GABRG3: variants seen among roughly 807,000 people sequenced by gnomAD.
The protein encoded by GABRG3 is gamma-aminobutyric acid receptor subunit gamma-3.
Under a neutral mutation model 48.8 loss-of-function variants are expected in GABRG3, and 25 were observed. The observed-to-expected ratio is 0.51, with a 90% confidence interval of 0.37 to 0.72. The LOEUF is 0.72. Ranked by LOEUF, GABRG3 falls within the 30% of genes least tolerant of loss-of-function variation. GABRG3 has a pLI of 0.00. For synonymous variants in GABRG3, 227 were observed against 217.6 expected, an observed-to-expected ratio of 1.04 and a Z score of -0.38; for missense variants, 394 against 577.9, an observed-to-expected ratio of 0.68 and a Z score of 3.26.
chr15:27,200,865 T>G (rs1888659116), intron 3 of GABRG3, among the ~76,000 whole-genome samples: 1 of 152,116 alleles, frequency 6.6e-6, no homozygotes, highest in Non-Finnish European at 1.5e-5. Flanking sequence ...CTCGAGATTT[T>G]CTTCACTACA....
At chr15:27,390,488 A>T (rs942631004) in intron 5 of GABRG3, among the ~76,000 whole-genome samples, 2 of 152,196 alleles carry the variant, frequency 1.3e-5, no homozygotes, top group African/African-American at 4.8e-5. Context: ...AGCACTCCTC[A>T]GTGAGTCCAA....
chr15:27,155,112 T>C (rs1038443253), intron 3 of GABRG3, among the ~76,000 whole-genome samples: 1 of 152,154 alleles, frequency 6.6e-6, no homozygotes, highest in African/African-American at 2.4e-5. Context: ...GTGCAGTTTC[T>C]ATTGTTTTAT....
At chr15:27,424,164 A>G (rs1387228758) in intron 5 of GABRG3, among the ~76,000 whole-genome samples, 2 of 152,068 alleles carry the variant, frequency 1.3e-5, no homozygotes, top group Non-Finnish European at 2.9e-5. Context: ...GGGCCACTTC[A>G]GCTAGTTTAT....
At chr15:27,204,972 T>A (rs1888806707) in intron 3 of GABRG3, among the ~76,000 whole-genome samples, 2 of 152,184 alleles carry the variant, frequency 1.3e-5, no homozygotes, top group African/African-American at 2.4e-5. Context: ...GGGTATAGAA[T>A]CATATAGTCT....
intron 3 of GABRG3, among the ~76,000 whole-genome samples, chr15:27,210,244 C>T (rs116134206): frequency 6.6e-6 from 1 of 152,208 alleles, no homozygotes; most frequent in Non-Finnish European, 1.5e-5. Flanking sequence ...ACCAAGAACA[C>T]CTGTAACTCC....
intron 2 of GABRG3, among the ~76,000 whole-genome samples, chr15:27,006,131 A>G (rs1895579455): frequency 6.6e-6 from 1 of 152,186 alleles, no homozygotes; most frequent in South Asian, 2.1e-4. Context: ...TTCTCAAAGC[A>G]AAATCTGGAA....
At chr15:27,465,254 T>C (rs1207487067) in intron 5 of GABRG3, among the ~76,000 whole-genome samples, 1 of 152,214 alleles carries the variant, frequency 6.6e-6, no homozygotes, top group Non-Finnish European at 1.5e-5. Context: ...GGAGAATTAC[T>C]AAAGAGAGTA....
intron 8 of GABRG3, 21 bp from the exon 9 acceptor site, chr15:27,527,912 T>A (rs756304533): frequency 6.5e-7 from 1 of 1,542,502 alleles, no homozygotes; most frequent in Non-Finnish European, 8.8e-7. Context: ...TTCCTAGTTA[T>A]TTTTTCTTCT....
intron 3 of GABRG3, among the ~76,000 whole-genome samples, chr15:27,268,998 C>G (rs750653860): frequency 1.3e-5 from 2 of 152,152 alleles, no homozygotes; most frequent in Non-Finnish European, 2.9e-5. Context: ...TTGCAAATCT[C>G]TTGTTTCATT....
intron 5 of GABRG3, among the ~76,000 whole-genome samples, chr15:27,369,477 T>C (rs1477487820): frequency 2.0e-5 from 3 of 152,202 alleles, no homozygotes; most frequent in South Asian, 4.1e-4. Context: ...AACTGGAAGA[T>C]ATTCTAGGAA....
chr15:27,194,964 ACTTTGT>A (rs1392564262), intron 3 of GABRG3, among the ~76,000 whole-genome samples: 2 of 152,094 alleles, frequency 1.3e-5, no homozygotes, highest in Non-Finnish European at 2.9e-5. Context: ...TTTACAATCT[ACTTTGT>A]CTTTGTGGTT....
chr15:27,160,603 T>C (rs1319868718), intron 3 of GABRG3, among the ~76,000 whole-genome samples: 1 of 152,176 alleles, frequency 6.6e-6, no homozygotes, highest in African/African-American at 2.4e-5. Flanking sequence ...AGGATCTTTC[T>C]AATACTTAGG....
intron 3 of GABRG3, among the ~76,000 whole-genome samples, chr15:27,032,753 T>A (rs138995988): frequency 5.3e-5 from 8 of 152,254 alleles, no homozygotes; most frequent in Admixed American, 5.2e-4. Context: ...TAACATGAGA[T>A]TTGGAGGGGA....
At chr15:26,990,250 A>C (rs576758728) in intron 2 of GABRG3, among the ~76,000 whole-genome samples, 1 of 152,328 alleles carries the variant, frequency 6.6e-6, no homozygotes, top group African/African-American at 2.4e-5. Context: ...AACAGTGTAC[A>C]AGGGTTCCCT....
At chr15:27,410,730 ATTTTTT>A (rs1323953974) in intron 5 of GABRG3, among the ~76,000 whole-genome samples, 2 of 151,506 alleles carry the variant, frequency 1.3e-5, no homozygotes, top group African/African-American at 4.9e-5. Flanking sequence ...TTTCTCCTTC[ATTTTTT>A]TCCAAAGCCA....
intron 5 of GABRG3, among the ~76,000 whole-genome samples, chr15:27,425,448 C>CAAA (rs57986546): frequency 0.024 from 1,855 of 77,816 alleles, 48 homozygotes; most frequent in African/African-American, 0.069. Flanking sequence ...ACTAAAAATA[C>CAAA]AAAAAAAAAA....
chr15:27,441,006 C>G (rs1888767468), intron 5 of GABRG3, among the ~76,000 whole-genome samples: 1 of 152,176 alleles, frequency 6.6e-6, no homozygotes, highest in African/African-American at 2.4e-5. Context: ...TCTCCACAGT[C>G]TGTTTCAGTT....
intron 3 of GABRG3, among the ~76,000 whole-genome samples, chr15:27,307,035 T>A (rs1443471869): frequency 1.1e-5 from 1 of 87,010 alleles, no homozygotes; most frequent in African/African-American, 4.7e-5. Flanking sequence ...TAAACATGTA[T>A]AAAATAAACA....
chr15:27,054,680 TC>T (rs748929360), intron 3 of GABRG3, among the ~76,000 whole-genome samples: 6 of 152,124 alleles, frequency 3.9e-5, no homozygotes, highest in Non-Finnish European at 8.8e-5. Context: ...TGGATACAGA[TC>T]AGTCTTGATG....
Sources: allele counts gnomAD v4.1 joint callset (sites outside exome capture counted in the v4.1 genomes callset), GRCh38; gene constraint gnomAD v4.1.1; transcripts MANE v1.5; gene names NCBI Gene and HGNC (gene_info 2026-07-23, HGNC 2026-07-21).